OTUD7A: variants seen among roughly 807,000 people sequenced by gnomAD.
The protein encoded by OTUD7A is OTU domain-containing protein 7A.
In OTUD7A, 12 loss-of-function variants were observed where a neutral mutation model predicts 65.7. The observed-to-expected ratio is 0.18, with a 90% CI of 0.12 to 0.30. The LOEUF is 0.30. Among genes scored for constraint, OTUD7A ranks in the 10% least tolerant of loss-of-function variants. The pLI, the probability that OTUD7A is intolerant of heterozygous loss-of-function variation, is 1.00. For missense variants in OTUD7A, 1,148 were observed against 1,304.8 expected (o/e 0.88, Z 1.85); for synonymous variants, 641 against 586.3 (o/e 1.09, Z -1.35).
chr15:31,622,489 C>T, intron 3 of OTUD7A, among the ~76,000 whole-genome samples: 1 of 152,140 alleles, frequency 6.6e-6, no homozygotes, highest in East Asian at 1.9e-4. Flanking sequence ...CTCTAAACTT[C>T]TCTTCTTGCT....
intron 1 of OTUD7A, among the ~76,000 whole-genome samples, chr15:31,816,684 TCTCAAAAAAAAAAAAA>T (rs1448382884): frequency 6.7e-6 from 1 of 149,866 alleles, no homozygotes; most frequent in Non-Finnish European, 1.5e-5. Context: ...CGAGACTCCG[TCTCAAAAAAAAAAAAA>T]TTAGAATCAC....
At chr15:31,856,191 T>C (rs1199077558) in intron 1 of OTUD7A, among the ~76,000 whole-genome samples, 1 of 152,244 alleles carries the variant, frequency 6.6e-6, no homozygotes, top group Non-Finnish European at 1.5e-5. Context: ...TATTGTAGAC[T>C]AAAAATGTAA....
chr15:31,589,154 T>C (rs1382402864), intron 3 of OTUD7A, among the ~76,000 whole-genome samples: 2 of 151,996 alleles, frequency 1.3e-5, no homozygotes, highest in African/African-American at 2.4e-5. Flanking sequence ...TATGTATACA[T>C]ATACATACAC....
At chr15:31,723,702 T>C (rs1893810089) in intron 1 of OTUD7A, among the ~76,000 whole-genome samples, 1 of 78,580 alleles carries the variant, frequency 1.3e-5, no homozygotes, top group African/African-American at 5.3e-5. Flanking sequence ...TCATGGGCTT[T>C]GTCTTCCTAT....
At chr15:31,788,389 G>A (rs1308199455) in intron 1 of OTUD7A, among the ~76,000 whole-genome samples, 1 of 152,154 alleles carries the variant, frequency 6.6e-6, no homozygotes, top group African/African-American at 2.4e-5. Context: ...CGGGAACCAT[G>A]GCCATGTTTG....
chr15:31,728,052 T>C (rs1392017374), intron 1 of OTUD7A, among the ~76,000 whole-genome samples: 1 of 152,224 alleles, frequency 6.6e-6, no homozygotes, highest in Non-Finnish European at 1.5e-5. Flanking sequence ...CTTGGTTTTG[T>C]ACATCTGACC....
At chr15:31,669,444 C>T (rs1056476124) in intron 1 of OTUD7A, among the ~76,000 whole-genome samples, 1 of 152,150 alleles carries the variant, frequency 6.6e-6, no homozygotes, top group African/African-American at 2.4e-5. Context: ...AGCCGGCAGT[C>T]GCAGGCCTCA....
chr15:31,530,186 C>T (rs563715545), intron 6 of OTUD7A, among the ~76,000 whole-genome samples: 1 of 152,170 alleles, frequency 6.6e-6, no homozygotes, highest in Non-Finnish European at 1.5e-5. Context: ...TTAGTCCATG[C>T]CAACTGTTGA....
At chr15:31,587,554 T>C (rs1014581346) in intron 3 of OTUD7A, among the ~76,000 whole-genome samples, 4 of 151,792 alleles carry the variant, frequency 2.6e-5, no homozygotes, top group African/African-American at 7.3e-5. Flanking sequence ...GGCAGGAGAA[T>C]TGCTTGAACC....
chr15:31,692,714 C>G (rs1892983585), intron 1 of OTUD7A, among the ~76,000 whole-genome samples: 1 of 150,192 alleles, frequency 6.7e-6, no homozygotes, highest in African/African-American at 2.4e-5. Flanking sequence ...TTTCAAAATT[C>G]CTGTTTTCTC....
At chr15:31,866,103 G>GTAAAAAAA (rs1897869080) in intron 1 of OTUD7A, among the ~76,000 whole-genome samples, 1 of 152,202 alleles carries the variant, frequency 6.6e-6, no homozygotes, top group African/African-American at 2.4e-5. Context: ...ACTTGTATTA[G>GTAAAAAAA]CATTAATGTG....
intron 1 of OTUD7A, among the ~76,000 whole-genome samples, chr15:31,797,756 C>T (rs184167670): frequency 6.6e-6 from 1 of 152,254 alleles, no homozygotes; most frequent in Admixed American, 6.5e-5. Context: ...CCTATTGCCA[C>T]TGCCCCAACG....
At chr15:31,688,949 TC>T (rs1490291550) in intron 1 of OTUD7A, among the ~76,000 whole-genome samples, 1 of 152,176 alleles carries the variant, frequency 6.6e-6, no homozygotes, top group Non-Finnish European at 1.5e-5. Context: ...ATGCTCTCAG[TC>T]AGATTAAAAT....
At chr15:31,655,719 T>C (rs983877472) in intron 2 of OTUD7A, among the ~76,000 whole-genome samples, 5 of 152,188 alleles carry the variant, frequency 3.3e-5, no homozygotes, top group Admixed American at 1.3e-4. Context: ...CCAGATAGAC[T>C]AAGGCAAGGG....
rs894341568 is a variant in OTUD7A at position 31,483,835 on chromosome 15, C to G, written c.2261G>C (p.Gly754Ala). Residue 754 changes from glycine to alanine, a missense_variant, in exon 13 of 13, where the codon GGA (glycine) becomes GCA (alanine). Around this residue, in one of 6 missense-constraint regions of OTUD7A, gnomAD observed 842 missense variants for 769.5 expected, o/e 1.09. Transcript: ENST00000307050. ...GCTGGCGCTCGCACGCCGCGCGCCT[C>G]CCCCCGGGGAGGCCGTGCCGCCCGC... ...AAAGGTASPG[G>A]GARRASASGP... is the part of the protein sequence containing the mutation. The G allele has an allele frequency of 1.0e-5, 10 of 984,402 alleles. No homozygotes were observed. The African/African-American group carries it at 1.6e-4, about 16-fold the overall frequency. 61.0% of individuals were successfully genotyped at this position (984,402 alleles called of 1,614,324 possible).
intron 1 of OTUD7A, among the ~76,000 whole-genome samples, chr15:31,671,272 T>C (rs1394099733): frequency 6.6e-6 from 1 of 152,212 alleles, no homozygotes; most frequent in Non-Finnish European, 1.5e-5. Context: ...AGGGATCCAG[T>C]TTCAATTTTC....
chr15:31,765,929 T>C (rs1323978260), intron 1 of OTUD7A: 35 of 1,312,306 alleles, frequency 2.7e-5, no homozygotes, highest in Non-Finnish European at 3.7e-5. Context: ...AAGTCCTGTT[T>C]TTAACAATAT....
At chr15:31,827,320 T>C (rs1297127616) in intron 1 of OTUD7A, among the ~76,000 whole-genome samples, 1 of 152,118 alleles carries the variant, frequency 6.6e-6, no homozygotes, top group East Asian at 1.9e-4. Context: ...AAAGAGAGAA[T>C]GACGAAGACG....
chr15:31,583,275 A>G (rs1889427912), intron 3 of OTUD7A, among the ~76,000 whole-genome samples: 1 of 152,226 alleles, frequency 6.6e-6, no homozygotes, highest in Non-Finnish European at 1.5e-5. Context: ...TGGAAGATGA[A>G]GCCAGGCCAC....
Sources: allele counts gnomAD v4.1 joint callset (sites outside exome capture counted in the v4.1 genomes callset), GRCh38; gene constraint gnomAD v4.1.1; regional missense constraint gnomAD v4.1.1; transcripts MANE v1.5; gene names NCBI Gene and HGNC (gene_info 2026-07-23, HGNC 2026-07-21).